Variants in ATP10B observed in about 807,000 individuals in gnomAD.
The protein encoded by ATP10B is ATPase phospholipid transporting 10B (putative).
A neutral mutation model predicts 141.2 loss-of-function variants in ATP10B; 122 were observed. That is an observed-to-expected ratio of 0.86 (90% CI 0.75 to 1.00). The LOEUF (loss-of-function observed/expected upper bound fraction) is 1.00, where lower values mean the gene tolerates loss of function less well. ATP10B is among the 50% of genes least tolerant of loss of function. The probability of loss-of-function intolerance (pLI) is 0.00; values close to 1 mark genes in which losing one functional copy is unlikely to be tolerated. For synonymous variants in ATP10B, 685 were observed against 692.0 expected, an observed-to-expected ratio of 0.99 and a Z score of 0.16; for missense variants, 1,876 against 1,825.3, an observed-to-expected ratio of 1.03 and a Z score of -0.51.
chr5:160,700,887 C>T (rs1764630056), intron 3 of ATP10B, among the ~76,000 whole-genome samples: 2 of 152,256 alleles, frequency 1.3e-5, no homozygotes, highest in Non-Finnish European at 2.9e-5. Context: ...TGCACTTGCC[C>T]CCTATTACCT....
chr5:160,905,501 A>G, the ATP10B span, among the ~76,000 whole-genome samples: 1 of 152,226 alleles, frequency 6.6e-6, no homozygotes, highest in African/African-American at 2.4e-5. Flanking sequence ...AGTGCTTGAG[A>G]CAGCTAGTTG....
chr5:160,782,479 A>ACT (rs1415601804), intron 2 of ATP10B, among the ~76,000 whole-genome samples: 3 of 139,914 alleles, frequency 2.1e-5, no homozygotes, highest in South Asian at 2.3e-4. Flanking sequence ...ACACACACAC[A>ACT]CTCACTCACT....
chr5:160,863,699 AT>A, the ATP10B span, among the ~76,000 whole-genome samples: 18 of 152,198 alleles, frequency 1.2e-4, no homozygotes, highest in East Asian at 3.5e-3. Flanking sequence ...TTGGTAGACC[AT>A]TAGCAGTATT....
chr5:160,592,591 C>T (rs762486584), intron 22 of ATP10B, among the ~76,000 whole-genome samples: 9 of 152,296 alleles, frequency 5.9e-5, no homozygotes, highest in South Asian at 2.1e-4. Flanking sequence ...GCACCATGCA[C>T]GAGCCAAAGC....
chr5:160,899,042 T>G, the ATP10B span, among the ~76,000 whole-genome samples: 1 of 152,068 alleles, frequency 6.6e-6, no homozygotes, highest in African/African-American at 2.4e-5. Context: ...ATACCTAATA[T>G]AGGTAACGGG....
At chr5:160,754,928 A>T (rs1768416086) in intron 2 of ATP10B, among the ~76,000 whole-genome samples, 1 of 152,208 alleles carries the variant, frequency 6.6e-6, no homozygotes, top group Non-Finnish European at 1.5e-5. Flanking sequence ...AAGGTATAAT[A>T]CACTACACAT....
intron 1 of ATP10B, among the ~76,000 whole-genome samples, chr5:160,789,217 CAGT>C (rs1457042771): frequency 2.6e-5 from 4 of 152,118 alleles, no homozygotes; most frequent in Non-Finnish European, 5.9e-5. Flanking sequence ...ACCCCTTTAG[CAGT>C]AGAAGTGGGT....
chr5:160,679,029 C>A (rs1161632506), intron 6 of ATP10B, among the ~76,000 whole-genome samples: 1 of 152,192 alleles, frequency 6.6e-6, no homozygotes, highest in Non-Finnish European at 1.5e-5. Context: ...ATATTATGAT[C>A]ACTATTTAAA....
intron 1 of ATP10B, among the ~76,000 whole-genome samples, chr5:160,804,245 A>G: frequency 6.6e-6 from 1 of 152,154 alleles, no homozygotes. Context: ...GTCTTATTGT[A>G]GTATGCACTT....
chr5:160,842,421 T>C (rs969728212), intron 1 of ATP10B, among the ~76,000 whole-genome samples: 1 of 151,418 alleles, frequency 6.6e-6, no homozygotes, highest in Non-Finnish European at 1.5e-5. Flanking sequence ...TACAAGAAGA[T>C]AAAAAAATAA....
Position 160,585,559 on chromosome 5 carries a change from G to A in ATP10B, c.3750+4033C>T, listed in dbSNP as rs533295586. On this transcript the variant is annotated intron_variant, in intron 24 of 25. Coordinates refer to ENST00000327245, the MANE Select transcript of ATP10B (RefSeq NM_025153.3). Reference sequence around the variant, plus strand: ...CGGAGGTGCAATGAGCCAAGATGGCGCCACTGCACTCTGGCCTGGATGACA... The same window carrying A: ...CGGAGGTGCAATGAGCCAAGATGGCACCACTGCACTCTGGCCTGGATGACA... 8.5e-5 allele frequency among the ~76,000 whole-genome samples: 13 copies of A among 152,326 alleles called. No individual in the cohort carries two copies. The South Asian group carries it at 1.2e-3, about 15-fold the overall frequency.
intron 2 of ATP10B, among the ~76,000 whole-genome samples, chr5:160,742,387 G>A (rs1767538652): frequency 6.6e-6 from 1 of 150,806 alleles, no homozygotes; most frequent in South Asian, 2.1e-4. Context: ...TTAAATTTTT[G>A]CCACTTGAAA....
At chr5:160,789,768 T>C (rs1276510389) in intron 1 of ATP10B, among the ~76,000 whole-genome samples, 1 of 152,146 alleles carries the variant, frequency 6.6e-6, no homozygotes, top group Admixed American at 6.6e-5. Flanking sequence ...AGGTGAGACC[T>C]AGGTTCATGT....
At chr5:160,668,539 A>G (rs922367614) in intron 7 of ATP10B, among the ~76,000 whole-genome samples, 2 of 152,122 alleles carry the variant, frequency 1.3e-5, no homozygotes, top group Non-Finnish European at 2.9e-5. Flanking sequence ...TTTTGCAAAC[A>G]CTAGGGTGAT....
At chr5:160,787,658 G>A (rs34834713) in intron 1 of ATP10B, among the ~76,000 whole-genome samples, 21,902 of 152,106 alleles carry the variant, frequency 0.14, 1,695 homozygotes, top group African/African-American at 0.19. Context: ...TAAAGCTTCC[G>A]TGTCCTGCGT....
the ATP10B span, among the ~76,000 whole-genome samples, chr5:160,912,528 G>T: frequency 6.6e-6 from 1 of 151,842 alleles, no homozygotes; most frequent in Non-Finnish European, 1.5e-5. Context: ...GAACCTGGGA[G>T]GTGGAGGTTG....
intron 6 of ATP10B, among the ~76,000 whole-genome samples, chr5:160,676,539 C>T (rs1324927960): frequency 6.6e-6 from 1 of 152,168 alleles, no homozygotes; most frequent in Non-Finnish European, 1.5e-5. Context: ...TTGCTAAGAG[C>T]TGCGATGATC....
the ATP10B span, among the ~76,000 whole-genome samples, chr5:160,867,919 A>G: frequency 2.6e-5 from 4 of 152,148 alleles, no homozygotes; most frequent in Admixed American, 2.6e-4. Flanking sequence ...TTCCAGATAG[A>G]AGGGATGGAT....
intron 11 of ATP10B, among the ~76,000 whole-genome samples, chr5:160,635,713 T>G (rs1375032013): frequency 6.6e-6 from 1 of 152,208 alleles, no homozygotes; most frequent in African/African-American, 2.4e-5. Context: ...TTGTCTCACT[T>G]TTTTCTTCTG....
Sources: allele counts gnomAD v4.1 joint callset (sites outside exome capture counted in the v4.1 genomes callset), GRCh38; gene constraint gnomAD v4.1.1; transcripts MANE v1.5; gene names NCBI Gene and HGNC (gene_info 2026-07-23, HGNC 2026-07-21).